Variants in ATP6V1B2 observed in about 807,000 individuals in gnomAD.
ATP6V1B2 encodes V-type proton ATPase subunit B, brain isoform.
Under a neutral mutation model 66.7 loss-of-function variants are expected in ATP6V1B2, and 23 were observed. The ratio of observed to expected loss-of-function variants is 0.34; its 90% CI spans 0.25 to 0.49. The LOEUF is 0.49. ATP6V1B2 is among the 20% of genes least tolerant of loss of function. ATP6V1B2 has a pLI of 0.99. For missense variants in ATP6V1B2, 478 were observed against 650.8 expected, an observed-to-expected ratio of 0.73 and a Z score of 2.89; for synonymous variants, 278 against 236.7, an observed-to-expected ratio of 1.17 and a Z score of -1.60.
Position 20,220,499 on chromosome 8 carries a change from A to G in ATP6V1B2, c.*97A>G, listed in dbSNP as rs1008481703. The G allele has an allele frequency of 7.0e-7, 1 of 1,423,644 alleles. No individual in the cohort carries two copies. The highest frequency in any genetic ancestry group is 9.3e-7 in the Non-Finnish European group (1 of 1,079,400). 88.2% of individuals were successfully genotyped at this position (1,423,644 alleles called of 1,614,324 possible). A position where few individuals can be genotyped will look rare whatever the true frequency, so the allele number is the denominator to read the frequency against. Reference sequence around the variant, plus strand: ...GGTTCCCACCTTTGTGTTGGAGTTTACCATGTTACCCTGTAATTAAAAACA... The same window carrying G: ...GGTTCCCACCTTTGTGTTGGAGTTTGCCATGTTACCCTGTAATTAAAAACA... On this transcript the variant is annotated 3_prime_UTR_variant, in exon 14 of 14. Coordinates refer to ENST00000276390, the MANE Select transcript of ATP6V1B2 (RefSeq NM_001693.4).
intron 2 of ATP6V1B2, among the ~76,000 whole-genome samples, chr8:20,206,547 G>A (rs1001449507): frequency 6.6e-6 from 1 of 152,132 alleles, no homozygotes; most frequent in African/African-American, 2.4e-5. Flanking sequence ...TACTGTTAAG[G>A]TTATATTAAA....
chr8:20,199,091 A>G (rs1383419895), intron 1 of ATP6V1B2, among the ~76,000 whole-genome samples: 1 of 152,256 alleles, frequency 6.6e-6, no homozygotes, highest in Admixed American at 6.5e-5. Flanking sequence ...AATTCAGAGA[A>G]TATCAACTGA....
rs554224228 is a variant in ATP6V1B2, at chr8:20,198,754, C to T, written c.136+1212C>T. Among the ~76,000 whole-genome samples, 166 of 152,282 alleles carry T rather than the reference C, an allele frequency of 1.1e-3. 1 individual carries two copies. The highest frequency in any genetic ancestry group is 2.1e-3 in the Non-Finnish European group (142 of 68,020). The stretch of plus-strand genomic sequence containing the variant: ...GATCTGTCACTGGGTCATGTGATAG[C>T]ACTGCAGTGTGAAGAAAAAGGAAAA... On this transcript the variant is annotated intron_variant, in intron 1 of 13. Transcript: ENST00000276390.
At chr8:20,204,608 C>CTTTAAATT in intron 2 of ATP6V1B2, 69 bp downstream of exon 2, 5 of 1,371,178 alleles carry the variant, frequency 3.6e-6, no homozygotes, top group Non-Finnish European at 5.1e-6. Flanking sequence ...ATTTAGTATA[C>CTTTAAATT]TTTAAATTTT....
At chr8:20,212,282 A>G (rs1428085519) in intron 8 of ATP6V1B2, 83 bp downstream of exon 8, 4 of 1,289,042 alleles carry the variant, frequency 3.1e-6, no homozygotes, top group African/African-American at 3.0e-5. Context: ...AAATGTGGTA[A>G]TAACAGCATT....
chr8:20,213,444 T>G (rs1236090395), intron 9 of ATP6V1B2: 1 of 159,822 alleles, frequency 6.3e-6, no homozygotes, highest in African/African-American at 2.4e-5. Flanking sequence ...GGATCAGGAG[T>G]TCAAGACCAG....
intron 2 of ATP6V1B2, among the ~76,000 whole-genome samples, chr8:20,208,427 T>C (rs2072759192): frequency 6.6e-6 from 1 of 152,216 alleles, no homozygotes; most frequent in Admixed American, 6.5e-5. Context: ...GTTTCTCTTT[T>C]CACATCACAC....
intron 1 of ATP6V1B2, among the ~76,000 whole-genome samples, chr8:20,199,652 A>T (rs1327353695): frequency 8.3e-6 from 1 of 120,708 alleles, no homozygotes; most frequent in Non-Finnish European, 1.6e-5. Context: ...TCTGTCACCC[A>T]GGCTGGAGTG....
chr8:20,198,530 C>T (rs1380012012), intron 1 of ATP6V1B2, among the ~76,000 whole-genome samples: 1 of 152,226 alleles, frequency 6.6e-6, no homozygotes, highest in East Asian at 1.9e-4. Context: ...TCACAGCTTT[C>T]TTCGGAACTG....
chr8:20,216,290 C>CA (rs1449634442), intron 10 of ATP6V1B2, 123 bp from the exon 11 acceptor site: 31 of 736,484 alleles, frequency 4.2e-5, no homozygotes, highest in Non-Finnish European at 6.4e-5. Context: ...TAAGAACACT[C>CA]TTCTAAGTAA....
chr8:20,197,465 C>T lies in ATP6V1B2; in HGVS notation c.59C>T (p.Pro20Leu), dbSNP rs1183513157. 6 of 1,528,966 alleles carry T rather than the reference C, an allele frequency of 3.9e-6. No homozygotes were observed. The highest frequency in any genetic ancestry group is 5.3e-6 in the Non-Finnish European group (6 of 1,139,524). 94.7% of individuals were successfully genotyped at this position (1,528,966 alleles called of 1,614,324 possible). A position where few individuals can be genotyped will look rare whatever the true frequency, so the allele number is the denominator to read the frequency against. Residue 20 changes from proline (P) to leucine (L), a missense_variant, in exon 1 of 14, where the codon CCC (proline) becomes CTC (leucine). This residue lies in a region of ATP6V1B2 where 152 missense variants were observed against 105.2 expected (regional missense o/e 1.44). Transcript: ENST00000276390. ...GGGGCCGCACCCGAGCTACCCGTGC[C>T]CACCGGTGGGCCGGCGGTGGGAGCT... ...VNGAAPELPVPTGGPAVGARE... is the reference protein window; with the variant it reads ...VNGAAPELPVLTGGPAVGARE...
intron 2 of ATP6V1B2, among the ~76,000 whole-genome samples, chr8:20,207,322 C>T (rs2072748580): frequency 6.6e-6 from 1 of 152,076 alleles, no homozygotes; most frequent in Non-Finnish European, 1.5e-5. Flanking sequence ...CATTACAAGG[C>T]CATGGGGGAC....
intron 7 of ATP6V1B2, 97 bp downstream of exon 7, chr8:20,211,850 A>G: frequency 9.4e-7 from 1 of 1,065,412 alleles, no homozygotes; most frequent in East Asian, 2.6e-5. Context: ...ATTTTTCTTT[A>G]GGTAAAGAAT....
intron 1 of ATP6V1B2, among the ~76,000 whole-genome samples, chr8:20,201,627 A>G (rs1283863120): frequency 6.6e-6 from 1 of 152,120 alleles, no homozygotes; most frequent in Non-Finnish European, 1.5e-5. Flanking sequence ...TACCAATCCT[A>G]AGATTAAAGA....
chr8:20,199,508 C>T (rs1034928896), intron 1 of ATP6V1B2, among the ~76,000 whole-genome samples: 2 of 151,880 alleles, frequency 1.3e-5, no homozygotes, highest in African/African-American at 2.4e-5. Flanking sequence ...CAACTAACAG[C>T]ATTTGAATAT....
chr8:20,203,024 G>A (rs2072702332), intron 1 of ATP6V1B2, among the ~76,000 whole-genome samples: 1 of 152,218 alleles, frequency 6.6e-6, no homozygotes, highest in Admixed American at 6.5e-5. Flanking sequence ...TAAAGGGTTG[G>A]AATTATGTTT....
intron 8 of ATP6V1B2, among the ~76,000 whole-genome samples, chr8:20,212,452 T>C (rs1032677858): frequency 7.2e-5 from 11 of 152,202 alleles, no homozygotes; most frequent in African/African-American, 2.4e-4. Flanking sequence ...ATCATACTTA[T>C]AAATTACCTA....
Position 20,220,669 on chromosome 8 carries a change from C to A in ATP6V1B2, c.*267C>A. 3.0e-6 allele frequency: 1 copy of A among 338,238 alleles called. No individual in the cohort carries two copies. 21.0% of individuals were successfully genotyped at this position (338,238 alleles called of 1,614,324 possible). A position where few individuals can be genotyped will look rare whatever the true frequency, so the allele number is the denominator to read the frequency against. On this transcript the variant is annotated 3_prime_UTR_variant, in exon 14 of 14. Transcript: ENST00000276390. ...TTTTCTTATTGCTGTATGTATTGTA[C>A]ATAGTGGAGTAGTTAGTTACCTGAT...
chr8:20,197,621 C>A lies in ATP6V1B2; in HGVS notation c.136+79C>A, dbSNP rs571040709. The A allele has an allele frequency of 4.3e-5, 55 of 1,286,294 alleles. No individual in the cohort carries two copies. In the Middle Eastern group the frequency reaches 1.0e-3, roughly 24 times the overall value. The allele number at this position is 1,286,294 out of a possible 1,614,324, so 79.7% of individuals were successfully genotyped here. A position where few individuals can be genotyped will look rare whatever the true frequency, so the allele number is the denominator to read the frequency against. On this transcript the variant is annotated intron_variant, in intron 1 of 13. Transcript: ENST00000276390. ...TGCTCCCAGTCACCTGCTTAGCCAGCGGGTAGGGGGTAGGATTTGTTTTTC... is the reference window on the plus strand; with the variant it reads ...TGCTCCCAGTCACCTGCTTAGCCAGAGGGTAGGGGGTAGGATTTGTTTTTC...
Sources: gnomAD v4.1 joint callset for allele counts (sites outside exome capture counted in the v4.1 genomes callset) on GRCh38, gnomAD v4.1.1 for gene constraint, gnomAD v4.1.1 regional missense constraint, MANE v1.5 for transcripts, NCBI Gene and HGNC (gene_info 2026-07-23, HGNC 2026-07-21) for gene names.